Variants in SCAP observed in about 807,000 individuals in gnomAD.
SCAP encodes the protein SREBF chaperone, also known as sterol regulatory element-binding protein cleavage-activating protein.
SCAP carries 65 observed loss-of-function variants against 123.6 expected under a neutral mutation model. The observed-to-expected ratio is 0.53, with a 90% CI of 0.43 to 0.65. The LOEUF (loss-of-function observed/expected upper bound fraction) is 0.65. Ranked by LOEUF, SCAP falls within the 30% of genes least tolerant of loss-of-function variation. SCAP has a pLI of 0.00. For missense variants in SCAP, 1,398 were observed against 1,712.5 expected (o/e 0.82, Z 3.24); for synonymous variants, 740 against 726.3 (o/e 1.02, Z -0.30).
chr3:47,445,874 ATTTT>A (rs35996993), intron 1 of SCAP, among the ~76,000 whole-genome samples: 3 of 122,722 alleles, frequency 2.4e-5, no homozygotes, highest in African/African-American at 9.2e-5. Flanking sequence ...CCCTGTCTCA[ATTTT>A]TTTTTTTTTT....
chr3:47,454,133 C>G (rs1411975587), intron 1 of SCAP, among the ~76,000 whole-genome samples: 2 of 151,988 alleles, frequency 1.3e-5, no homozygotes, highest in Non-Finnish European at 2.9e-5. Context: ...TTTGGGTGGC[C>G]GAGGCGGGCG....
rs555306991 is a variant in SCAP at position 47,434,740 on chromosome 3, G to C, written c.252+268C>G. The C allele has an allele frequency of 5.4e-4, 175 of 326,934 alleles. 2 individuals carry two copies. In the South Asian group the frequency reaches 5.4e-3, roughly 10 times the overall value. The allele number at this position is 326,934 out of a possible 1,614,324, so 20.3% of individuals were successfully genotyped here. ...CAGTCCCAGCTAATCGGGAGGCTGA[G>C]GCAGGAGAATCACTTGAACCCGGGA... On this transcript the variant is annotated intron_variant, in intron 3 of 22. Coordinates refer to ENST00000265565, the MANE Select transcript of SCAP (RefSeq NM_012235.4).
intron 16 of SCAP, 146 bp from the exon 17 acceptor site, chr3:47,417,972 G>T: frequency 5.7e-6 from 3 of 526,828 alleles, no homozygotes; most frequent in South Asian, 3.7e-5. Flanking sequence ...TGGGGAGAGG[G>T]GGGTACGGGG....
rs771417160 is a variant in SCAP at position 47,427,644 on chromosome 3, T to A, written c.434A>T (p.Glu145Val). The A allele has an allele frequency of 1.2e-6, 2 of 1,613,944 alleles. No individual in the cohort carries two copies. The highest frequency in any genetic ancestry group is 1.7e-6 in the Non-Finnish European group (2 of 1,179,974). The change falls in exon 5 of 23, where the codon GAG becomes GTG. Residue 145 changes from glutamate to valine, a missense_variant. Around this residue, in one of 7 missense-constraint regions of SCAP, gnomAD observed 319 missense variants for 432.4 expected, o/e 0.74. Transcript: ENST00000265565. ...CAGGTCGGTCACTTGCAGACACAACTCCTCCAAGCTCCTGATCCCAGAGCT... is the reference window on the plus strand; with the variant it reads ...CAGGTCGGTCACTTGCAGACACAACACCTCCAAGCTCCTGATCCCAGAGCT... The part of the protein sequence containing the change: ...RDSSGIRSLE[E>V]LCLQVTDLLP...
chr3:47,461,755 C>T (rs899530908), intron 1 of SCAP, among the ~76,000 whole-genome samples: 9 of 152,034 alleles, frequency 5.9e-5, no homozygotes, highest in African/African-American at 1.4e-4. Flanking sequence ...CAGTCTAGGC[C>T]GGGCACGGTG....
chr3:47,428,255 C>T (rs944664411), intron 4 of SCAP, among the ~76,000 whole-genome samples: 3 of 152,142 alleles, frequency 2.0e-5, no homozygotes, highest in Admixed American at 6.5e-5. Flanking sequence ...TGAGTTAGCA[C>T]AGTGGACACT....
chr3:47,428,995 GA>G (rs1706254677), intron 3 of SCAP: 1 of 244,798 alleles, frequency 4.1e-6, no homozygotes, highest in Non-Finnish European at 8.0e-6. Flanking sequence ...ACTCCCCCCG[GA>G]ATTTGCACAT....
chr3:47,433,933 C>T (rs1327472175), intron 3 of SCAP, among the ~76,000 whole-genome samples: 1 of 152,166 alleles, frequency 6.6e-6, no homozygotes, highest in Non-Finnish European at 1.5e-5. Context: ...CCACAATGAG[C>T]CAGTGAGCCA....
In SCAP at chr3:47,439,434, T is replaced by A. The variant is rs1220868688; in HGVS notation, c.122+3438A>T. On this transcript the variant is annotated intron_variant, in intron 2 of 22. Transcript: ENST00000265565. The surrounding 1 kb of genome is among the most constrained non-coding windows in gnomAD (Gnocchi z 4.0). ...AAAATCAAAAACAACACAATGTGAT[T>A]CCAATTTCCTCTCCAAATTAAAATC... is the stretch of plus-strand genomic sequence containing the variant. 1.3e-5 allele frequency among the ~76,000 whole-genome samples: 2 copies of A among 152,070 alleles called. No homozygotes were observed. Among genetic ancestry groups the A allele is most frequent in the African/African-American group, 4.8e-5 (2 of 41,412 alleles).
At chr3:47,465,218 T>C (rs897684281) in intron 1 of SCAP, among the ~76,000 whole-genome samples, 3 of 151,840 alleles carry the variant, frequency 2.0e-5, no homozygotes, top group Non-Finnish European at 4.4e-5. Flanking sequence ...TCACCCAGGC[T>C]GGAGTGCAGT....
Position 47,423,968 on chromosome 3 carries a change from G to C in SCAP, c.1115C>G (p.Pro372Arg). The C allele has an allele frequency of 6.2e-7, 1 of 1,614,102 alleles. No individual in the cohort carries two copies. The highest frequency in any genetic ancestry group is 8.5e-7 in the Non-Finnish European group (1 of 1,179,964). ...LVLTKSVVSTPVDLEVKLRIA... is the reference protein window; with the variant it reads ...LVLTKSVVSTRVDLEVKLRIA... ...CCGCAGCTTCACCTCCAGGTCTACC[G>C]GGGTTGAGACCACAGACTTGGTGAG... Residue 372 changes from proline (P) to arginine (R), a missense_variant, in exon 9 of 23, where the codon CCG (proline) becomes CGG (arginine). By Grantham distance (103) the Pro-to-Arg change is moderately radical (BLOSUM62 -2). This residue lies in a region of SCAP where 66 missense variants were observed against 116.3 expected (regional missense o/e 0.57). Transcript: ENST00000265565.
intron 1 of SCAP, among the ~76,000 whole-genome samples, chr3:47,464,351 G>A (rs955343379): frequency 1.3e-5 from 2 of 151,214 alleles, no homozygotes; most frequent in Non-Finnish European, 2.9e-5. Flanking sequence ...GTCTCACTAT[G>A]TTGCCCAGGC....
rs892838001 is a variant in SCAP at position 47,418,531 on chromosome 3, G to A, written c.2130-9C>T. On this transcript the variant is annotated splice_polypyrimidine_tract_variant and intron_variant, in intron 14 of 22. Transcript: ENST00000265565. ...GGCCCAGCGCCGCCACCCTGCACGG[G>A]AGGGCGGACTGCTGTGAGACACACC... The A allele has an allele frequency of 6.3e-7, 1 of 1,582,200 alleles. No homozygotes were observed. The highest frequency in any genetic ancestry group is 1.8e-5 in the Admixed American group (1 of 55,506).
intron 10 of SCAP, among the ~76,000 whole-genome samples, chr3:47,421,613 G>A (rs894925911): frequency 2.6e-5 from 4 of 152,246 alleles, no homozygotes; most frequent in Admixed American, 1.3e-4. Flanking sequence ...GTGCTACTCC[G>A]ATCTGGGGTA....
intron 1 of SCAP, among the ~76,000 whole-genome samples, chr3:47,457,254 T>C (rs1251379252): frequency 6.6e-6 from 1 of 152,194 alleles, no homozygotes; most frequent in East Asian, 1.9e-4. Flanking sequence ...GTAGTTTACC[T>C]TTCCAATTTT....
chr3:47,433,956 G>A (rs560601743), intron 3 of SCAP, among the ~76,000 whole-genome samples: 1 of 152,300 alleles, frequency 6.6e-6, no homozygotes, highest in South Asian at 2.1e-4. Context: ...GGCCAACCTG[G>A]GACATAAAGC....
intron 2 of SCAP, among the ~76,000 whole-genome samples, chr3:47,441,978 T>A (rs1304330700): frequency 6.8e-6 from 1 of 146,372 alleles, no homozygotes; most frequent in East Asian, 2.1e-4. Context: ...AGTGTTGGAA[T>A]TACAGGTATG....
chr3:47,464,175 C>T (rs1212880786), intron 1 of SCAP, among the ~76,000 whole-genome samples: 1 of 152,062 alleles, frequency 6.6e-6, no homozygotes, highest in Non-Finnish European at 1.5e-5. Flanking sequence ...CCCACTAAGC[C>T]TGGCTAATTT....
At chr3:47,424,083 G>T in intron 8 of SCAP, 38 bp from the exon 9 acceptor site, 1 of 1,524,796 alleles carries the variant, frequency 6.6e-7, no homozygotes. Context: ...ACAGTGTTGT[G>T]GTGGTTCCCA....
Sources: gnomAD v4.1 joint callset for allele counts (sites outside exome capture counted in the v4.1 genomes callset) on GRCh38, gnomAD v4.1.1 for gene constraint, gnomAD v4.1.1 regional missense constraint, Gnocchi (gnomAD v3.1) non-coding constraint, MANE v1.5 for transcripts, NCBI Gene and HGNC (gene_info 2026-07-23, HGNC 2026-07-21) for gene names.